Variants in OLFM2 observed in about 807,000 individuals in gnomAD.
The protein encoded by OLFM2 is noelin-2.
Under a neutral mutation model 43.9 loss-of-function variants are expected in OLFM2, and 20 were observed. The ratio of observed to expected loss-of-function variants is 0.46; its 90% confidence interval spans 0.32 to 0.66. The LOEUF is 0.66. OLFM2 is among the 30% of genes least tolerant of loss of function. The pLI is 0.04. For synonymous variants in OLFM2, 268 were observed against 278.6 expected, an observed-to-expected ratio of 0.96 and a Z score of 0.38; for missense variants, 416 against 643.6, an observed-to-expected ratio of 0.65 and a Z score of 3.83.
rs1303295981 is a variant in OLFM2 at position 9,854,419 on chromosome 19, C to T, written c.1132G>A (p.Gly378Ser). The change falls in exon 6 of 6, where the codon GGT becomes AGT. Residue 378 changes from glycine to serine, a missense_variant. Gly to Ser is a moderately conservative substitution (Grantham distance 56). Coordinates refer to ENST00000264833, the MANE Select transcript of OLFM2 (RefSeq NM_058164.4). The surrounding 1 kb of genome is among the most constrained non-coding windows in gnomAD (Gnocchi z 9.5). ...RSAGEAFMIC[G>S]VLYVTNSHLA... ...TGGGAGTTGGTCACGTAGAGCACACCGCAGATCATGAAGGCCTCGCCAGCG... is the reference window on the plus strand; with the variant it reads ...TGGGAGTTGGTCACGTAGAGCACACTGCAGATCATGAAGGCCTCGCCAGCG... 19 of 1,614,054 alleles carry T rather than the reference C, an allele frequency of 1.2e-5. No individual in the cohort carries two copies. Among genetic ancestry groups the T allele is most frequent in the East Asian group, 4.5e-5 (2 of 44,886 alleles).
At chr19:9,867,319 C>T (rs936637201) in intron 1 of OLFM2, among the ~76,000 whole-genome samples, 1 of 152,098 alleles carries the variant, frequency 6.6e-6, no homozygotes, top group Admixed American at 6.6e-5. Context: ...TGCAGTGAGC[C>T]GAGATCGTGC....
At chr19:9,899,059 G>C (rs981842331) in intron 1 of OLFM2, among the ~76,000 whole-genome samples, 1 of 152,142 alleles carries the variant, frequency 6.6e-6, no homozygotes, top group African/African-American at 2.4e-5. Context: ...GAGGTCAGGA[G>C]TTCGAGACCA....
chr19:9,898,807 C>G (rs1786489325), intron 1 of OLFM2, among the ~76,000 whole-genome samples: 1 of 152,196 alleles, frequency 6.6e-6, no homozygotes, highest in African/African-American at 2.4e-5. Context: ...ATGTACCAGT[C>G]TGCCCACTGC....
chr19:9,860,853 C>A, intron 1 of OLFM2, 59 bp from the exon 2 acceptor site: 1 of 1,532,672 alleles, frequency 6.5e-7, no homozygotes, highest in Admixed American at 1.9e-5. Flanking sequence ...CTCGCCCTCA[C>A]TGGGACAGGA....
chr19:9,877,045 C>T lies in OLFM2; in HGVS notation c.64-16251G>A, dbSNP rs564326755. On this transcript the variant is annotated intron_variant, in intron 1 of 5. Coordinates refer to ENST00000264833, the MANE Select transcript of OLFM2 (RefSeq NM_058164.4). ...AGGAGTTCGAGACCAGCCTGGCCAA[C>T]ATGGTGAAATCCTGCCTCTAGTAAA... is the stretch of plus-strand genomic sequence containing the variant. Among the ~76,000 whole-genome samples the T allele has an allele frequency of 1.7e-4, 26 of 151,650 alleles. No homozygotes were observed. The South Asian group carries it at 4.6e-3, about 27-fold the overall frequency.
intron 1 of OLFM2, among the ~76,000 whole-genome samples, chr19:9,905,177 A>G (rs6511241): frequency 0.61 from 92,841 of 151,354 alleles, 28,577 homozygotes; most frequent in Admixed American, 0.67. Context: ...CAAAAAAAAG[A>G]CCGGGTGCGG....
At chr19:9,858,680 C>G (rs995219585) in intron 2 of OLFM2, among the ~76,000 whole-genome samples, 1 of 152,238 alleles carries the variant, frequency 6.6e-6, no homozygotes, top group African/African-American at 2.4e-5. Flanking sequence ...GAGCACCCAG[C>G]TCCCACCTCC....
chr19:9,905,975 C>T (rs915257045), intron 1 of OLFM2, among the ~76,000 whole-genome samples: 4 of 152,220 alleles, frequency 2.6e-5, no homozygotes, highest in Non-Finnish European at 4.4e-5. Flanking sequence ...CACTCCAACA[C>T]GTCCCTTGGG....
At chr19:9,920,405 C>G (rs775904608) in intron 1 of OLFM2, among the ~76,000 whole-genome samples, 1 of 152,116 alleles carries the variant, frequency 6.6e-6, no homozygotes, top group Non-Finnish European at 1.5e-5. Flanking sequence ...TTGCATCACC[C>G]TGGTCCTGGC....
At chr19:9,928,196 G>A (rs547968099) in intron 1 of OLFM2, among the ~76,000 whole-genome samples, 1 of 150,634 alleles carries the variant, frequency 6.6e-6, no homozygotes, top group East Asian at 2.0e-4. Flanking sequence ...GGTCAACAGA[G>A]CAAGACCCTG....
intron 1 of OLFM2, among the ~76,000 whole-genome samples, chr19:9,928,869 C>T (rs1712230481): frequency 6.6e-6 from 1 of 151,942 alleles, no homozygotes; most frequent in African/African-American, 2.4e-5. Context: ...TCTACTCTCC[C>T]TACTCTCTGC....
At position 9,853,875 on chromosome 19, in the gene OLFM2, CAGAG is replaced by C. The variant is rs1019629866; in HGVS notation, c.*307_*310del. 41 of 518,786 alleles carry C rather than the reference CAGAG, an allele frequency of 7.9e-5. No individual in the cohort carries two copies. The highest frequency in any genetic ancestry group is 6.2e-4 in the East Asian group (20 of 32,276). The allele number at this position is 518,786 out of a possible 1,614,324, so 32.1% of individuals were successfully genotyped here. ...AAGCAAGGAGGGAGGGGTGGAAGGACAGAGAGAGAGAGACAGAGAGAGGCAGAGA... is the reference window on the plus strand; with the variant it reads ...AAGCAAGGAGGGAGGGGTGGAAGGACAGAGAGAGACAGAGAGAGGCAGAGA... On this transcript the variant is annotated 3_prime_UTR_variant, in exon 6 of 6. Transcript: ENST00000264833.
At chr19:9,875,666 G>GTTA (rs2046480868) in intron 1 of OLFM2, among the ~76,000 whole-genome samples, 1 of 149,404 alleles carries the variant, frequency 6.7e-6, no homozygotes, top group African/African-American at 2.5e-5. Context: ...GTTTGTTGTT[G>GTTA]TTGTTTTTCT....
At chr19:9,866,224 A>G (rs545996699) in intron 1 of OLFM2, among the ~76,000 whole-genome samples, 1 of 152,324 alleles carries the variant, frequency 6.6e-6, no homozygotes, top group South Asian at 2.1e-4. Context: ...ATTGGGTTTA[A>G]GTTCAGATAT....
At chr19:9,873,556 G>C (rs1211266522) in intron 1 of OLFM2, among the ~76,000 whole-genome samples, 2 of 152,176 alleles carry the variant, frequency 1.3e-5, no homozygotes, top group African/African-American at 2.4e-5. Context: ...CTAGGCTCAA[G>C]CAGTTCTCTT....
chr19:9,916,722 G>A (rs530370471), intron 1 of OLFM2, among the ~76,000 whole-genome samples: 7 of 152,250 alleles, frequency 4.6e-5, no homozygotes, highest in Non-Finnish European at 8.8e-5. Context: ...TCCAAGGAGT[G>A]GTCTGTGCTC....
chr19:9,887,865 T>TC (rs1485359298), intron 1 of OLFM2, among the ~76,000 whole-genome samples: 1 of 152,028 alleles, frequency 6.6e-6, no homozygotes, highest in Non-Finnish European at 1.5e-5. Context: ...AGACCCCATC[T>TC]CTACAAAAAA....
At chr19:9,924,867 A>T (rs2086443159) in intron 1 of OLFM2, among the ~76,000 whole-genome samples, 1 of 149,944 alleles carries the variant, frequency 6.7e-6, no homozygotes, top group Non-Finnish European at 1.5e-5. Flanking sequence ...ATGTTAATGA[A>T]TCAAAAAATA....
chr19:9,913,682 G>A, intron 1 of OLFM2: 4 of 1,108,940 alleles, frequency 3.6e-6, no homozygotes, highest in Non-Finnish European at 3.3e-6. Context: ...GCCGCGGGGC[G>A]CTCGGTCCCT....
Sources: gnomAD v4.1 joint callset for allele counts (sites outside exome capture counted in the v4.1 genomes callset) on GRCh38, gnomAD v4.1.1 for gene constraint, Gnocchi (gnomAD v3.1) non-coding constraint, MANE v1.5 for transcripts, NCBI Gene and HGNC (gene_info 2026-07-23, HGNC 2026-07-21) for gene names.